Variants in RASGEF1C observed in about 807,000 individuals in gnomAD.
The protein encoded by RASGEF1C is ras-GEF domain-containing family member 1C.
In RASGEF1C, 27 loss-of-function variants were observed where a neutral mutation model predicts 58.1. The observed-to-expected ratio is 0.46, with a 90% CI of 0.34 to 0.64. The LOEUF is 0.64. RASGEF1C is among the 30% of genes least tolerant of loss of function. The pLI, the probability that RASGEF1C is intolerant of heterozygous loss-of-function variation, is 0.01. For synonymous variants in RASGEF1C, 243 were observed against 246.3 expected, an observed-to-expected ratio of 0.99 and a Z score of 0.13; for missense variants, 502 against 605.1, an observed-to-expected ratio of 0.83 and a Z score of 1.79.
rs748536339 is a variant in RASGEF1C at position 180,137,990 on chromosome 5, G to A, written c.63C>T (p.Thr21=). The A allele has an allele frequency of 1.6e-5, 25 of 1,584,242 alleles. No homozygotes were observed. The African/African-American group carries it at 2.3e-4, about 15-fold the overall frequency. ...VTPGSLSPPP[T]EPTDGEQAGQ... is the part of the protein sequence containing the mutation. ...CAGCCTGTTCGCCATCTGTGGGCTC[G>A]GTGGGGGGTGGGCTGAGGCTGCCTG... Residue 21 remains threonine (T), a synonymous_variant, in exon 2 of 14, where the codon ACC becomes ACT. Transcript: ENST00000361132. This position sits in a 1 kb window ranked among gnomAD's most constrained non-coding sequence, Gnocchi z 4.1.
At chr5:180,135,528 G>A (rs538267386) in intron 4 of RASGEF1C, among the ~76,000 whole-genome samples, 4 of 152,266 alleles carry the variant, frequency 2.6e-5, no homozygotes, top group South Asian at 2.1e-4. Flanking sequence ...CCACAGTGGC[G>A]CCCTGGGATG....
At position 180,137,378 on chromosome 5, in the gene RASGEF1C, G is replaced by T. The variant is rs2113278361; in HGVS notation, c.300+212C>A. ...CAGGTCTGGGCTTAATGGGCTCAAG[G>T]GTTCCCGTCGGGCACTGGAAAACTA... On this transcript the variant is annotated intron_variant, in intron 3 of 13. Transcript: ENST00000361132. The surrounding 1 kb of genome is among the most constrained non-coding windows in gnomAD (Gnocchi z 4.1). 6.6e-6 allele frequency among the ~76,000 whole-genome samples: 1 copy of T among 152,294 alleles called. No homozygotes were observed. The highest frequency in any genetic ancestry group is 6.5e-5 in the Admixed American group (1 of 15,306).
At chr5:180,151,517 GT>G (rs1766744868) in intron 1 of RASGEF1C, among the ~76,000 whole-genome samples, 1 of 152,174 alleles carries the variant, frequency 6.6e-6, no homozygotes, top group African/African-American at 2.4e-5. Context: ...CTAGCCATAT[GT>G]AGAAAGATGA....
intron 4 of RASGEF1C, among the ~76,000 whole-genome samples, chr5:180,134,384 G>T (rs927545220): frequency 6.6e-6 from 1 of 151,920 alleles, no homozygotes; most frequent in Non-Finnish European, 1.5e-5. Flanking sequence ...CCAGGCCAGG[G>T]CTTACCCCAG....
chr5:180,110,085 C>T (rs572829691), intron 12 of RASGEF1C, among the ~76,000 whole-genome samples: 17 of 151,804 alleles, frequency 1.1e-4, no homozygotes, highest in Non-Finnish European at 2.1e-4. Context: ...ATTGTGTGGA[C>T]TTCGCCTGGG....
At chr5:180,127,090 C>T (rs1766275311) in intron 6 of RASGEF1C, among the ~76,000 whole-genome samples, 1 of 152,244 alleles carries the variant, frequency 6.6e-6, no homozygotes, top group Non-Finnish European at 1.5e-5. Context: ...CGGCACCCTG[C>T]TGGTTGGGCT....
At chr5:180,139,759 G>A (rs746055188) in intron 1 of RASGEF1C, among the ~76,000 whole-genome samples, 8 of 152,220 alleles carry the variant, frequency 5.3e-5, no homozygotes, top group Non-Finnish European at 7.3e-5. Context: ...GTGGGAGGGG[G>A]ACAGCTGCGG....
At chr5:180,115,167 G>C (rs1458963723) in intron 10 of RASGEF1C, 1 of 321,462 alleles carries the variant, frequency 3.1e-6, no homozygotes, top group Non-Finnish European at 6.2e-6. Flanking sequence ...GGCACCTGCT[G>C]CCACGCCCGG....
intron 10 of RASGEF1C, chr5:180,115,463 C>A: frequency 6.9e-6 from 2 of 289,358 alleles, no homozygotes; most frequent in Non-Finnish European, 1.4e-5. Flanking sequence ...TGCAGGCCCC[C>A]CCAGACTCTT....
At chr5:180,152,532 G>A (rs1257572815) in intron 1 of RASGEF1C, among the ~76,000 whole-genome samples, 1 of 131,458 alleles carries the variant, frequency 7.6e-6, no homozygotes, top group Non-Finnish European at 1.6e-5. Flanking sequence ...ATGGACACAG[G>A]AAGGGGAACA....
At position 180,137,897 on chromosome 5, in the gene RASGEF1C, G is replaced by A. The variant is rs770294751; in HGVS notation, c.156C>T (p.Pro52=). The change falls in exon 2 of 14, where the codon CCC becomes CCT. Residue 52 remains proline, a synonymous_variant. Coordinates refer to ENST00000361132, the MANE Select transcript of RASGEF1C (RefSeq NM_175062.4). The surrounding 1 kb of genome is among the most constrained non-coding windows in gnomAD (Gnocchi z 4.1). ...CCACCTCGGGGTAGTAGTCGGCTGTGGGCACCAGGTGCTGGATCAGTGTTT... is the reference window on the plus strand; with the variant it reads ...CCACCTCGGGGTAGTAGTCGGCTGTAGGCACCAGGTGCTGGATCAGTGTTT... ...SLETLIQHLV[P]TADYYPEKAY... is the part of the protein sequence containing the mutation. The A allele has an allele frequency of 6.8e-6, 11 of 1,612,946 alleles. No individual in the cohort carries two copies. The highest frequency in any genetic ancestry group is 6.7e-5 in the East Asian group (3 of 44,836).
In RASGEF1C at chr5:180,183,912, C is replaced by T. The variant is rs894822468; in HGVS notation, c.-7+25116G>A. On this transcript the variant is annotated intron_variant, in intron 1 of 13. Transcript: ENST00000361132. ...GCCGGCCGGGTGTGATGGCTCATGC[C>T]TATAATCCCAGCACTTTGGGAGCCC... 1.1e-4 allele frequency among the ~76,000 whole-genome samples: 17 copies of T among 152,106 alleles called. 1 individual carries two copies.
At chr5:180,104,067 C>A (rs1454069999) in intron 12 of RASGEF1C, among the ~76,000 whole-genome samples, 1 of 152,120 alleles carries the variant, frequency 6.6e-6, no homozygotes, top group African/African-American at 2.4e-5. Flanking sequence ...TTGCTGAACT[C>A]TATTTGCTTA....
chr5:180,113,947 C>A (rs960565368), intron 11 of RASGEF1C, among the ~76,000 whole-genome samples: 5 of 152,104 alleles, frequency 3.3e-5, no homozygotes, highest in Non-Finnish European at 7.4e-5. Flanking sequence ...CTCTGCCTGG[C>A]AGGTCCAGGG....
rs879767569 is a variant in RASGEF1C, at chr5:180,146,508, CT to C, written c.-6-8451del. On this transcript the variant is annotated intron_variant, in intron 1 of 13. Coordinates refer to ENST00000361132, the MANE Select transcript of RASGEF1C (RefSeq NM_175062.4). ...TCCTTCTATTCCAGTTTTTGGAGTA[CT>C]TTTTTTTTTTGTCATGAAAGGGCAT... 2.3e-3 allele frequency among the ~76,000 whole-genome samples: 338 copies of C among 144,442 alleles called. 3 individuals carry two copies. The highest frequency in any genetic ancestry group is 7.2e-3 in the Middle Eastern group (2 of 278). The allele number at this position is 144,442 out of a possible 152,430, so 94.8% of individuals were successfully genotyped here.
chr5:180,133,534 CCCG>C (rs1766404977), intron 4 of RASGEF1C, among the ~76,000 whole-genome samples: 1 of 152,206 alleles, frequency 6.6e-6, no homozygotes, highest in Admixed American at 6.5e-5. Context: ...TCTGAAAAGA[CCCG>C]TGCTCACCTC....
intron 6 of RASGEF1C, among the ~76,000 whole-genome samples, chr5:180,124,967 C>T (rs957953263): frequency 2.0e-5 from 3 of 151,926 alleles, no homozygotes; most frequent in Admixed American, 6.6e-5. Flanking sequence ...ACCCTGTCTC[C>T]ACAAAAAATA....
chr5:180,169,395 T>C (rs1404018459), intron 1 of RASGEF1C, among the ~76,000 whole-genome samples: 2 of 152,042 alleles, frequency 1.3e-5, no homozygotes, highest in East Asian at 3.9e-4. Flanking sequence ...CCCTGGCCCC[T>C]TTGAAGGGGG....
chr5:180,152,411 A>T (rs1157839146), intron 1 of RASGEF1C, among the ~76,000 whole-genome samples: 1 of 152,140 alleles, frequency 6.6e-6, no homozygotes, highest in African/African-American at 2.4e-5. Context: ...ATGTCTTTTG[A>T]AGGGACATGG....
Sources: allele counts gnomAD v4.1 joint callset (sites outside exome capture counted in the v4.1 genomes callset), GRCh38; gene constraint gnomAD v4.1.1; non-coding constraint Gnocchi (gnomAD v3.1); transcripts MANE v1.5; gene names NCBI Gene and HGNC (gene_info 2026-07-23, HGNC 2026-07-21).